Variants in RNF17 observed in about 807,000 individuals in gnomAD.
The protein encoded by RNF17 is spermatogenesis associated 23.
A neutral mutation model predicts 200.5 loss-of-function variants in RNF17; 31 were observed. That is an observed-to-expected ratio of 0.15 (90% CI 0.12 to 0.21). The LOEUF is 0.21. Ranked by LOEUF, RNF17 falls within the 10% of genes least tolerant of loss-of-function variation. The pLI is 1.00. For synonymous variants in RNF17, 606 were observed against 637.8 expected, an observed-to-expected ratio of 0.95 and a Z score of 0.75; for missense variants, 1,628 against 1,905.1, an observed-to-expected ratio of 0.85 and a Z score of 2.71.
chr13:24,833,549 C>T (rs1476572537), intron 18 of RNF17, among the ~76,000 whole-genome samples: 4 of 152,176 alleles, frequency 2.6e-5, no homozygotes, highest in Non-Finnish European at 5.9e-5. Context: ...TTTTTGCCCC[C>T]TCCTAGAATA....
At position 24,831,096 on chromosome 13, in the gene RNF17, C is replaced by T. The variant is rs540381956; in HGVS notation, c.2361+497C>T. Among the ~76,000 whole-genome samples, 5 of 152,110 alleles carry T rather than the reference C, an allele frequency of 3.3e-5. No individual in the cohort carries two copies. The South Asian group carries it at 8.4e-4, about 25-fold the overall frequency. On this transcript the variant is annotated intron_variant, in intron 17 of 35. Coordinates refer to ENST00000255324, the MANE Select transcript of RNF17 (RefSeq NM_031277.3). Reference sequence around the variant, plus strand: ...ACTGTTGTTTGAGTTGTTTTTAAGCCATGTTTTTCATTTTAGGAAGTGTGT... The same window carrying T: ...ACTGTTGTTTGAGTTGTTTTTAAGCTATGTTTTTCATTTTAGGAAGTGTGT...
intron 10 of RNF17, 94 bp from the exon 11 acceptor site, chr13:24,796,043 A>G: frequency 3.3e-6 from 3 of 908,092 alleles, no homozygotes; most frequent in Non-Finnish European, 4.9e-6. Flanking sequence ...CAATGCCATA[A>G]GACACTCTTT....
At chr13:24,885,529 A>G in the RNF17 span, 3 of 1,270,368 alleles carry the variant, frequency 2.4e-6, no homozygotes, top group Non-Finnish European at 3.5e-6. Context: ...GTGGTTTAGA[A>G]ACGTTAAGTC....
At chr13:24,772,668 T>C (rs1196978425) in intron 2 of RNF17, among the ~76,000 whole-genome samples, 1 of 151,796 alleles carries the variant, frequency 6.6e-6, no homozygotes, top group African/African-American at 2.4e-5. Context: ...TAGAGTGCAG[T>C]GGCGCCATCT....
chr13:24,769,420 C>T (rs1880333148), intron 2 of RNF17, among the ~76,000 whole-genome samples: 2 of 152,330 alleles, frequency 1.3e-5, no homozygotes, highest in Admixed American at 6.5e-5. Context: ...CCCATCCCCA[C>T]ACCCACCTAC....
At chr13:24,762,425 G>A (rs1304095748), upstream of RNF17, among the ~76,000 whole-genome samples, 3 of 150,136 alleles carry the variant, frequency 2.0e-5, no homozygotes, top group Non-Finnish European at 4.4e-5. Context: ...GTGAACAGTA[G>A]GTATTCCAGA....
chr13:24,764,300 A>T lies in RNF17; in HGVS notation c.97A>T (p.Thr33Ser). 6.2e-7 allele frequency: 1 copy of T among 1,611,278 alleles called. No individual in the cohort carries two copies. The highest frequency in any genetic ancestry group is 8.5e-7 in the Non-Finnish European group (1 of 1,178,140). ...QPWGAAEIQC[T>S]RCGRRVSRSS... The stretch of plus-strand genomic sequence containing the variant: ...CTGGGGTGCCGCTGAAATCCAGTGC[A>T]CCAGGTGTGGAAGGAGGGTATCCAG... The change falls in exon 1 of 36, where the codon ACC becomes TCC. Residue 33 changes from threonine to serine, a missense_variant. This residue lies in a region of RNF17 where 502 missense variants were observed against 501.7 expected (regional missense o/e 1.00). Transcript: ENST00000255324.
chr13:24,818,980 GT>G (rs1298635475), intron 15 of RNF17, among the ~76,000 whole-genome samples: 1 of 151,700 alleles, frequency 6.6e-6, no homozygotes, highest in Non-Finnish European at 1.5e-5. Flanking sequence ...GCCCTCTTTT[GT>G]GTTTAGTTGC....
In RNF17 at chr13:24,799,528, A is replaced by G. The variant is rs770470654; in HGVS notation, c.1533A>G (p.Ala511=). 4 of 1,611,480 alleles carry G rather than the reference A, an allele frequency of 2.5e-6. No homozygotes were observed. The highest frequency in any genetic ancestry group is 3.4e-6 in the Non-Finnish European group (4 of 1,178,232). The change falls in exon 12 of 36, where the codon GCA becomes GCG. Residue 511 remains alanine (A), a synonymous_variant. Transcript: ENST00000255324. ...SPTRLFVHEV[A]LIQIFMVDFG... is the part of the protein sequence containing the mutation. ...CCAGATTATTTGTCCATGAAGTTGC[A>G]CTAATACAAATATTCATGGTAGATT...
chr13:24,787,615 CTGCTTTTATA>C (rs1467784175), intron 6 of RNF17, among the ~76,000 whole-genome samples: 1 of 152,154 alleles, frequency 6.6e-6, no homozygotes, highest in Non-Finnish European at 1.5e-5. Context: ...GTATATATAA[CTGCTTTTATA>C]TGCCTTAATG....
At chr13:24,883,901 C>G, downstream of RNF17, 4 of 1,609,574 alleles carry the variant, frequency 2.5e-6, no homozygotes, top group East Asian at 4.5e-5. Context: ...GGGGCACCTT[C>G]TGAGCACAGA....
chr13:24,815,200 A>T (rs911252004), intron 15 of RNF17, among the ~76,000 whole-genome samples: 12 of 152,064 alleles, frequency 7.9e-5, no homozygotes, highest in Non-Finnish European at 1.6e-4. Flanking sequence ...ATTTAGTTAG[A>T]TCTTATTTAA....
intron 15 of RNF17, among the ~76,000 whole-genome samples, chr13:24,805,636 A>G (rs1242874559): frequency 1.3e-5 from 2 of 152,194 alleles, no homozygotes; most frequent in Non-Finnish European, 2.9e-5. Context: ...CTTTTGGCCT[A>G]TGTGAATAAT....
At chr13:24,760,238 G>A (rs1040611657), upstream of RNF17, among the ~76,000 whole-genome samples, 1 of 152,138 alleles carries the variant, frequency 6.6e-6, no homozygotes, top group African/African-American at 2.4e-5. Flanking sequence ...CAAAATGTAT[G>A]TTAACTGGAT....
rs1243241887 is a variant in RNF17 at position 24,774,896 on chromosome 13, G to A, written c.309G>A (p.Gln103=). 1 of 1,591,970 alleles carries A rather than the reference G, an allele frequency of 6.3e-7. No individual in the cohort carries two copies. Among genetic ancestry groups the A allele is most frequent in the South Asian group, 1.1e-5 (1 of 90,366 alleles). ...AAGACTCCATAATGGAAAAACTGCA[G>A]CCTAAGACGTATGTTCCATGTGTAC... is the stretch of plus-strand genomic sequence containing the variant. ...IKEDSIMEKL[Q]PKTIKNCSQD... The change falls in exon 3 of 36, where the codon CAG becomes CAA. Residue 103 remains glutamine, a synonymous_variant. Transcript: ENST00000255324.
At chr13:24,887,787 C>A in the RNF17 span, among the ~76,000 whole-genome samples, 3 of 152,268 alleles carry the variant, frequency 2.0e-5, no homozygotes, top group African/African-American at 7.2e-5. Flanking sequence ...GTCCCTGATG[C>A]CAAAAAGGTT....
chr13:24,798,721 C>A (rs1039211044), intron 11 of RNF17, among the ~76,000 whole-genome samples: 5 of 151,920 alleles, frequency 3.3e-5, no homozygotes, highest in African/African-American at 1.2e-4. Flanking sequence ...AAACACAGAA[C>A]ATTTCTGAGC....
chr13:24,772,592 G>A (rs962859783), intron 2 of RNF17, among the ~76,000 whole-genome samples: 35 of 151,630 alleles, frequency 2.3e-4, no homozygotes, highest in African/African-American at 6.8e-4. Context: ...GTGGGCAAAG[G>A]ACATGAACAG....
Position 24,862,811 on chromosome 13 carries a change from T to C in RNF17, c.3975+18T>C. ...ACATTATGGTAATTTAAAGTATATA[T>C]AGTTGTTATAAATTACTTGCCATAA... On this transcript the variant is annotated intron_variant, in intron 28 of 35. Transcript: ENST00000255324. 7.3e-7 allele frequency: 1 copy of C among 1,371,772 alleles called. No individual in the cohort carries two copies. The highest frequency in any genetic ancestry group is 2.3e-5 in the East Asian group (1 of 43,424). 85.0% of individuals were successfully genotyped at this position (1,371,772 alleles called of 1,614,324 possible).
Sources: gnomAD v4.1 joint callset for allele counts (sites outside exome capture counted in the v4.1 genomes callset) on GRCh38, gnomAD v4.1.1 for gene constraint, gnomAD v4.1.1 regional missense constraint, MANE v1.5 for transcripts, NCBI Gene and HGNC (gene_info 2026-07-23, HGNC 2026-07-21) for gene names.